NDE1: variants seen among roughly 807,000 people sequenced by gnomAD.
NDE1 encodes the protein nudE neurodevelopment protein 1.
Under a neutral mutation model 43.4 loss-of-function variants are expected in NDE1, and 28 were observed. That is an observed-to-expected ratio of 0.65 (90% CI 0.48 to 0.89). NDE1 has a LOEUF of 0.89. Among genes scored for constraint, NDE1 ranks in the 40% least tolerant of loss-of-function variants. NDE1 has a pLI of 0.00. For synonymous variants in NDE1, 184 were observed against 172.0 expected (o/e 1.07, Z -0.55); for missense variants, 441 against 434.1 (o/e 1.02, Z -0.14).
intron 3 of NDE1, among the ~76,000 whole-genome samples, chr16:15,667,827 G>T (rs868837853): frequency 6.6e-6 from 1 of 151,808 alleles, no homozygotes; most frequent in Non-Finnish European, 1.5e-5. Flanking sequence ...TAGAGACGGG[G>T]TTTTATGTTG....
chr16:15,725,024 C>A lies in NDE1; in HGVS notation c.*773C>A. On this transcript the variant is annotated 3_prime_UTR_variant, in exon 9 of 9. Transcript: ENST00000396354. ...GTGCCAAGAGACTGGTTAGTCAAAGCCTCTAGAAGGGGATCCTCGTTGAAA... is the reference window on the plus strand; with the variant it reads ...GTGCCAAGAGACTGGTTAGTCAAAGACTCTAGAAGGGGATCCTCGTTGAAA... 6.3e-7 allele frequency: 1 copy of A among 1,590,860 alleles called. No individual in the cohort carries two copies.
At chr16:15,668,351 G>A (rs149064801) in intron 3 of NDE1, among the ~76,000 whole-genome samples, 8 of 152,262 alleles carry the variant, frequency 5.3e-5, no homozygotes, top group East Asian at 1.9e-4. Flanking sequence ...GCGAGACTCC[G>A]TCTCAAAAAA....
At chr16:15,712,308 C>T (rs1205646743) in intron 8 of NDE1, among the ~76,000 whole-genome samples, 1 of 152,052 alleles carries the variant, frequency 6.6e-6, no homozygotes, top group Non-Finnish European at 1.5e-5. Flanking sequence ...ACATGGAATT[C>T]TAAAGCGCCA....
intron 8 of NDE1, chr16:15,714,956 G>A (rs1263110530): frequency 6.2e-7 from 1 of 1,614,092 alleles, no homozygotes; most frequent in Middle Eastern, 1.7e-4. Context: ...TGGCCTCGTT[G>A]CTCTCCGTGG....
chr16:15,661,764 T>C (rs969472775), intron 1 of NDE1, among the ~76,000 whole-genome samples: 1 of 151,992 alleles, frequency 6.6e-6, no homozygotes, highest in Non-Finnish European at 1.5e-5. Flanking sequence ...AGTCTTTATC[T>C]CTGGTGATGG....
At chr16:15,681,215 G>T in intron 4 of NDE1, among the ~76,000 whole-genome samples, 1 of 106,200 alleles carries the variant, frequency 9.4e-6, no homozygotes, top group Non-Finnish European at 2.0e-5. Flanking sequence ...TTTTCTTTAG[G>T]TGGATAGCCC....
chr16:15,724,354 TC>T lies in NDE1; in HGVS notation c.*105del. ...CTTCTGGAACCTCTTCTTCCCCTCTTCCAGAGCTTCCACGGTGCTGGCAAAG... is the reference window on the plus strand; with the variant it reads ...CTTCTGGAACCTCTTCTTCCCCTCTTCAGAGCTTCCACGGTGCTGGCAAAG... On this transcript the variant is annotated 3_prime_UTR_variant, in exon 9 of 9. Transcript: ENST00000396354. 6.2e-7 allele frequency: 1 copy of T among 1,614,072 alleles called. No individual in the cohort carries two copies. The highest frequency in any genetic ancestry group is 8.5e-7 in the Non-Finnish European group (1 of 1,180,026).
intron 3 of NDE1, chr16:15,672,592 A>G (rs1004969271): frequency 1.3e-5 from 2 of 152,232 alleles, no homozygotes; most frequent in Non-Finnish European, 2.9e-5. Flanking sequence ...TAAGGGACCA[A>G]ACAGAGCATC....
At chr16:15,712,399 C>T (rs2039854247) in intron 8 of NDE1, among the ~76,000 whole-genome samples, 1 of 152,088 alleles carries the variant, frequency 6.6e-6, no homozygotes, top group Non-Finnish European at 1.5e-5. Flanking sequence ...CCTGTAATCC[C>T]AGCACGTGGG....
At chr16:15,671,013 T>C (rs548082944) in intron 3 of NDE1, among the ~76,000 whole-genome samples, 1 of 152,230 alleles carries the variant, frequency 6.6e-6, no homozygotes, top group East Asian at 1.9e-4. Context: ...CCCATAGGTG[T>C]TGTTTGATCG....
intron 7 of NDE1, 65 bp downstream of exon 7, chr16:15,694,321 T>C: frequency 6.3e-7 from 1 of 1,586,128 alleles, no homozygotes; most frequent in Non-Finnish European, 8.6e-7. Context: ...GTGAAGGGGG[T>C]TGATCTAGTT....
chr16:15,715,269 C>T (rs954894296), intron 8 of NDE1: 1 of 1,614,108 alleles, frequency 6.2e-7, no homozygotes, highest in South Asian at 1.1e-5. Context: ...CCGCCTGTTT[C>T]TCTCTGCAAA....
chr16:15,659,484 T>G (rs1445142672), intron 1 of NDE1, among the ~76,000 whole-genome samples: 1 of 127,642 alleles, frequency 7.8e-6, no homozygotes, highest in Non-Finnish European at 1.6e-5. Flanking sequence ...TCACCCAGGC[T>G]GGAGTGCAGT....
At chr16:15,676,707 A>G (rs1485546641) in intron 3 of NDE1, among the ~76,000 whole-genome samples, 2 of 152,098 alleles carry the variant, frequency 1.3e-5, no homozygotes, top group Admixed American at 1.3e-4. Flanking sequence ...GGAGTTGCCC[A>G]GGCCGGAGTG....
At chr16:15,695,203 CTTTT>C (rs71134451) in intron 7 of NDE1, among the ~76,000 whole-genome samples, 56 of 79,684 alleles carry the variant, frequency 7.0e-4, no homozygotes, top group African/African-American at 2.5e-3. Flanking sequence ...AAACTGCCAC[CTTTT>C]TTTTTTTTTT....
chr16:15,721,988 G>C (rs1373829184), intron 8 of NDE1, among the ~76,000 whole-genome samples: 1 of 152,126 alleles, frequency 6.6e-6, no homozygotes, highest in Non-Finnish European at 1.5e-5. Context: ...CTCCAGAGTA[G>C]TTGGGATTAC....
chr16:15,719,706 A>G lies in NDE1; in HGVS notation c.948-4485A>G, dbSNP rs759396801. The G allele has an allele frequency of 2.5e-6, 4 of 1,614,076 alleles. No individual in the cohort carries two copies. In the South Asian group the frequency reaches 3.3e-5, roughly 13 times the overall value. ...TTCCAGCTCTCTTTGAAAGTCCTTC[A>G]TCTGAGCCTGCATGAGTCAACAGGG... On this transcript the variant is annotated intron_variant, in intron 8 of 8. Transcript: ENST00000396354.
chr16:15,708,657 A>C, intron 8 of NDE1: 3 of 849,616 alleles, frequency 3.5e-6, no homozygotes, highest in Admixed American at 2.0e-5. Flanking sequence ...AAAGCTTTGC[A>C]CAAAGATATC....
intron 1 of NDE1, among the ~76,000 whole-genome samples, chr16:15,661,444 G>A (rs958411728): frequency 2.8e-4 from 42 of 151,256 alleles, no homozygotes; most frequent in African/African-American, 1.0e-3. Flanking sequence ...CACCGCGCCC[G>A]GCCGAGTTTT....
Sources: gnomAD v4.1 joint callset for allele counts (sites outside exome capture counted in the v4.1 genomes callset) on GRCh38, gnomAD v4.1.1 for gene constraint, MANE v1.5 for transcripts, NCBI Gene and HGNC (gene_info 2026-07-23, HGNC 2026-07-21) for gene names.